Variants in MEMO1 observed in about 807,000 individuals in gnomAD.
MEMO1 encodes mediator of cell motility 1.
In MEMO1, 6 loss-of-function variants were observed where a neutral mutation model predicts 45.2. The ratio of observed to expected loss-of-function variants is 0.13; its 90% CI spans 0.07 to 0.26. The LOEUF is 0.26. Among genes scored for constraint, MEMO1 ranks in the 10% least tolerant of loss-of-function variants. The pLI, the probability that MEMO1 is intolerant of heterozygous loss-of-function variation, is 1.00. For synonymous variants in MEMO1, 78 were observed against 124.3 expected (o/e 0.63, Z 2.48); for missense variants, 184 against 370.5 (o/e 0.50, Z 4.13).
intron 2 of MEMO1, among the ~76,000 whole-genome samples, chr2:32,002,144 C>CAAAAAAAAAAAAA (rs1156408005): frequency 1.8e-5 from 1 of 55,694 alleles, no homozygotes; most frequent in Non-Finnish European, 3.2e-5. Context: ...GACTCTGTCT[C>CAAAAAAAAAAAAA]AAAAAAAAAA....
chr2:31,982,358 G>A (rs1321765248), intron 2 of MEMO1, among the ~76,000 whole-genome samples: 8 of 151,048 alleles, frequency 5.3e-5, no homozygotes, highest in South Asian at 2.1e-4. Flanking sequence ...TTGGGAGGCC[G>A]AGGCGGGCAG....
At chr2:31,880,077 A>G (rs929047507) in intron 8 of MEMO1, among the ~76,000 whole-genome samples, 2 of 152,162 alleles carry the variant, frequency 1.3e-5, no homozygotes, top group Admixed American at 1.3e-4. Flanking sequence ...AGTATGTTCA[A>G]CCACTGGACT....
chr2:31,877,178 A>C (rs934640148), intron 8 of MEMO1, among the ~76,000 whole-genome samples: 5 of 152,238 alleles, frequency 3.3e-5, no homozygotes, highest in Non-Finnish European at 5.9e-5. Flanking sequence ...AAATGGACAA[A>C]GTCCCTGTTC....
chr2:32,000,418 G>C (rs1295365975), intron 2 of MEMO1, among the ~76,000 whole-genome samples: 1 of 152,062 alleles, frequency 6.6e-6, no homozygotes, highest in Non-Finnish European at 1.5e-5. Context: ...TTTTAGTAGA[G>C]ACGGGGTTTC....
chr2:32,002,144 C>CAAAAAAAA (rs1156408005), intron 2 of MEMO1, among the ~76,000 whole-genome samples: 5 of 55,696 alleles, frequency 9.0e-5, no homozygotes, highest in East Asian at 4.6e-4. Flanking sequence ...GACTCTGTCT[C>CAAAAAAAA]AAAAAAAAAA....
intron 2 of MEMO1, among the ~76,000 whole-genome samples, chr2:31,979,397 T>C (rs1377772931): frequency 6.6e-6 from 1 of 152,234 alleles, no homozygotes; most frequent in Non-Finnish European, 1.5e-5. Context: ...ATCCCTAATG[T>C]TCATTTTATT....
chr2:31,916,713 A>G (rs1423987688), intron 6 of MEMO1, among the ~76,000 whole-genome samples: 1 of 152,182 alleles, frequency 6.6e-6, no homozygotes, highest in Admixed American at 6.5e-5. Context: ...AAAAACCCTA[A>G]AATTATATTG....
chr2:31,980,263 A>G (rs2148497412), intron 2 of MEMO1, among the ~76,000 whole-genome samples: 1 of 152,056 alleles, frequency 6.6e-6, no homozygotes, highest in Admixed American at 6.6e-5. Context: ...AAGACCCCCA[A>G]CTCTACAGAA....
chr2:32,003,472 T>C (rs901397077), intron 2 of MEMO1, among the ~76,000 whole-genome samples: 1 of 152,206 alleles, frequency 6.6e-6, no homozygotes, highest in Non-Finnish European at 1.5e-5. Flanking sequence ...ATAGGGTATA[T>C]GAAATCTGTG....
chr2:31,954,529 G>A (rs1049834317), intron 2 of MEMO1, among the ~76,000 whole-genome samples: 1 of 152,012 alleles, frequency 6.6e-6, no homozygotes, highest in Non-Finnish European at 1.5e-5. Context: ...ATCACGTAAT[G>A]TGTTTATTTA....
chr2:31,918,453 A>G (rs1406849135), intron 5 of MEMO1, among the ~76,000 whole-genome samples: 1 of 152,176 alleles, frequency 6.6e-6, no homozygotes, highest in Non-Finnish European at 1.5e-5. Context: ...TGAAATATGG[A>G]AAAACCACTA....
At chr2:31,877,890 T>C (rs1674786234) in intron 8 of MEMO1, among the ~76,000 whole-genome samples, 1 of 152,226 alleles carries the variant, frequency 6.6e-6, no homozygotes, top group Non-Finnish European at 1.5e-5. Flanking sequence ...ATTATATCCA[T>C]TAATTTATTC....
chr2:32,002,182 T>TACACACACACACAC, intron 2 of MEMO1, among the ~76,000 whole-genome samples: 1 of 120,288 alleles, frequency 8.3e-6, no homozygotes, highest in African/African-American at 3.0e-5. Context: ...TATATATATA[T>TACACACACACACAC]ATATACACAC....
chr2:31,968,475 A>G (rs1303572540), intron 2 of MEMO1, among the ~76,000 whole-genome samples: 2 of 152,230 alleles, frequency 1.3e-5, no homozygotes, highest in South Asian at 4.1e-4. Context: ...TACTAATAGT[A>G]TGAGTAGATT....
intron 6 of MEMO1, among the ~76,000 whole-genome samples, chr2:31,893,894 CT>C (rs1258330105): frequency 3.9e-5 from 6 of 152,120 alleles, no homozygotes; most frequent in African/African-American, 1.4e-4. Context: ...CTGTAGAAAC[CT>C]AGGACTTGAA....
At chr2:31,989,485 A>G (rs1671679314) in intron 2 of MEMO1, among the ~76,000 whole-genome samples, 1 of 152,232 alleles carries the variant, frequency 6.6e-6, no homozygotes, top group African/African-American at 2.4e-5. Context: ...CAATAAACAA[A>G]TATTTTCCAA....
intron 7 of MEMO1, among the ~76,000 whole-genome samples, chr2:31,890,042 A>G (rs2147979490): frequency 6.6e-6 from 1 of 152,300 alleles, no homozygotes; most frequent in East Asian, 1.9e-4. Flanking sequence ...GGTAGAAGGT[A>G]AAACAAATTT....
chr2:32,009,030 C>T (rs1674454562), intron 2 of MEMO1, among the ~76,000 whole-genome samples: 1 of 152,132 alleles, frequency 6.6e-6, no homozygotes. Context: ...TGACTGAAGA[C>T]TATGAGGAAT....
intron 6 of MEMO1, among the ~76,000 whole-genome samples, chr2:31,906,377 G>A (rs1679742907): frequency 1.3e-5 from 2 of 151,782 alleles, no homozygotes; most frequent in Non-Finnish European, 2.9e-5. Flanking sequence ...AGGCTGGAGT[G>A]CAATGGCGCA....
Sources: allele counts gnomAD v4.1 joint callset (sites outside exome capture counted in the v4.1 genomes callset), GRCh38; gene constraint gnomAD v4.1.1; transcripts MANE v1.5; gene names NCBI Gene and HGNC (gene_info 2026-07-23, HGNC 2026-07-21).